EDIL3: variants seen among roughly 807,000 people sequenced by gnomAD.
The protein encoded by EDIL3 is EGF like and discoidin domains 3, also known as EGF-like repeat and discoidin I-like domain-containing protein 3.
Under a neutral mutation model 67.4 loss-of-function variants are expected in EDIL3, and 37 were observed. That is an observed-to-expected ratio of 0.55 (90% CI 0.42 to 0.72). The LOEUF is 0.72. Among genes scored for constraint, EDIL3 ranks in the 30% least tolerant of loss-of-function variants. The pLI is 0.00. For synonymous variants in EDIL3, 195 were observed against 196.3 expected (o/e 0.99, Z 0.05); for missense variants, 527 against 586.3 (o/e 0.90, Z 1.04).
chr5:84,213,142 T>C (rs1343684565), intron 3 of EDIL3, among the ~76,000 whole-genome samples: 1 of 152,136 alleles, frequency 6.6e-6, no homozygotes, highest in Non-Finnish European at 1.5e-5. Context: ...AATATCAGAC[T>C]GGTGATTATC....
intron 6 of EDIL3, among the ~76,000 whole-genome samples, chr5:84,071,920 T>C (rs1746746630): frequency 6.6e-6 from 1 of 152,082 alleles, no homozygotes. Context: ...TGCAGGAAAC[T>C]TTTGTATATG....
intron 2 of EDIL3, among the ~76,000 whole-genome samples, chr5:84,248,393 C>A (rs1744952956): frequency 6.6e-6 from 1 of 152,176 alleles, no homozygotes; most frequent in South Asian, 2.1e-4. Context: ...GACTACTCTG[C>A]CTCTCTGGCT....
At chr5:84,236,175 C>G (rs1301296783) in intron 2 of EDIL3, among the ~76,000 whole-genome samples, 1 of 151,826 alleles carries the variant, frequency 6.6e-6, no homozygotes, top group African/African-American at 2.4e-5. Flanking sequence ...TCAATTTTTG[C>G]CACTGAGTAA....
At chr5:84,189,644 C>T (rs987580230) in intron 3 of EDIL3, among the ~76,000 whole-genome samples, 2 of 151,938 alleles carry the variant, frequency 1.3e-5, no homozygotes, top group African/African-American at 2.4e-5. Context: ...CACACTGCTG[C>T]GAAAACAACC....
intron 9 of EDIL3, among the ~76,000 whole-genome samples, chr5:83,989,955 G>A (rs761337499): frequency 1.1e-4 from 17 of 152,168 alleles, no homozygotes; most frequent in Non-Finnish European, 2.4e-4. Context: ...CAAAAGGGCT[G>A]GGCTGCTCTC....
intron 10 of EDIL3, among the ~76,000 whole-genome samples, chr5:83,958,043 AT>A (rs1286645702): frequency 6.6e-6 from 1 of 151,686 alleles, no homozygotes; most frequent in Non-Finnish European, 1.5e-5. Flanking sequence ...TGGCAAACTT[AT>A]TAAAATTTAA....
Position 84,250,251 on chromosome 5 carries a change from A to G in EDIL3, c.196+3833T>C, listed in dbSNP as rs564895471. Among the ~76,000 whole-genome samples the G allele has an allele frequency of 2.0e-5, 3 of 152,338 alleles. No homozygotes were observed. The South Asian group carries it at 6.2e-4, about 32-fold the overall frequency. On this transcript the variant is annotated intron_variant, in intron 2 of 10. Transcript: ENST00000296591. ...TTTTCAGATATCAGAAGTGAATCTT[A>G]ATAACTCTAAGAGGCTGAGCACATT... is the stretch of plus-strand genomic sequence containing the variant.
intron 2 of EDIL3, among the ~76,000 whole-genome samples, chr5:84,242,793 TAA>T (rs373595978): frequency 0.032 from 3,924 of 120,796 alleles, 83 homozygotes; most frequent in Non-Finnish European, 0.046. Context: ...GACCCTATCT[TAA>T]AAAAAAAAAA....
chr5:84,364,894 A>G (rs896737473), intron 1 of EDIL3, among the ~76,000 whole-genome samples: 1 of 151,958 alleles, frequency 6.6e-6, no homozygotes, highest in African/African-American at 2.4e-5. Context: ...TTAATCTCAT[A>G]TATATTTTTG....
At chr5:84,062,385 G>A (rs1746561214) in intron 8 of EDIL3, among the ~76,000 whole-genome samples, 1 of 152,096 alleles carries the variant, frequency 6.6e-6, no homozygotes, top group African/African-American at 2.4e-5. Flanking sequence ...TACAAGGGAA[G>A]AGGAAAGATA....
At chr5:84,212,576 A>G (rs1243947454) in intron 3 of EDIL3, among the ~76,000 whole-genome samples, 1 of 152,226 alleles carries the variant, frequency 6.6e-6, no homozygotes, top group Non-Finnish European at 1.5e-5. Flanking sequence ...TACACAAGTG[A>G]GAATTGCAAA....
intron 3 of EDIL3, among the ~76,000 whole-genome samples, chr5:84,213,662 G>A (rs1460247382): frequency 6.6e-6 from 1 of 152,062 alleles, no homozygotes; most frequent in East Asian, 1.9e-4. Context: ...CAGGTGAGTA[G>A]ATATGAAACA....
At chr5:84,019,520 G>A (rs1484308616) in intron 9 of EDIL3, among the ~76,000 whole-genome samples, 6 of 151,918 alleles carry the variant, frequency 3.9e-5, no homozygotes, top group Non-Finnish European at 7.4e-5. Flanking sequence ...TTCTGCACAT[G>A]TACCCTAAAA....
intron 1 of EDIL3, among the ~76,000 whole-genome samples, chr5:84,278,378 T>C (rs1745630098): frequency 6.6e-6 from 1 of 152,150 alleles, no homozygotes; most frequent in Non-Finnish European, 1.5e-5. Context: ...GCATCAAACC[T>C]GGCATGAAGT....
intron 9 of EDIL3, among the ~76,000 whole-genome samples, chr5:83,966,533 T>A (rs1272346426): frequency 2.0e-5 from 3 of 151,988 alleles, no homozygotes; most frequent in Admixed American, 6.6e-5. Context: ...AAAAATCCTC[T>A]CCAATCTTAA....
chr5:84,198,644 A>C (rs79961722), intron 3 of EDIL3, among the ~76,000 whole-genome samples: 1,592 of 152,194 alleles, frequency 0.01, 33 homozygotes, highest in African/African-American at 0.036. Flanking sequence ...TCATGACAAC[A>C]AGCAATTAGC....
In EDIL3 at chr5:84,384,436, G is replaced by C. The variant is rs1357930032; in HGVS notation, c.-62C>G. The C allele has an allele frequency of 4.5e-6, 7 of 1,567,178 alleles. No homozygotes were observed. The Admixed American group carries it at 1.0e-4, about 23-fold the overall frequency. On this transcript the variant is annotated 5_prime_UTR_variant, in exon 1 of 11. Coordinates refer to ENST00000296591, the MANE Select transcript of EDIL3 (RefSeq NM_005711.5). ...GGTCGTCGCGGAGGGCAGTGTAGCC[G>C]AGGTGGCAGCGCAGGGCAGCAGCAG...
At chr5:84,206,841 C>A (rs1743990669) in intron 3 of EDIL3, among the ~76,000 whole-genome samples, 1 of 152,174 alleles carries the variant, frequency 6.6e-6, no homozygotes, top group Non-Finnish European at 1.5e-5. Flanking sequence ...TGACAAAATT[C>A]AATAACTCTT....
intron 1 of EDIL3, among the ~76,000 whole-genome samples, chr5:84,359,007 C>A (rs1336365560): frequency 6.6e-6 from 1 of 152,026 alleles, no homozygotes; most frequent in African/African-American, 2.4e-5. Context: ...CCTCCCTGGG[C>A]AAGTACTTTT....
Sources: gnomAD v4.1 joint callset for allele counts (sites outside exome capture counted in the v4.1 genomes callset) on GRCh38, gnomAD v4.1.1 for gene constraint, MANE v1.5 for transcripts, NCBI Gene and HGNC (gene_info 2026-07-23, HGNC 2026-07-21) for gene names.